TRAPPC9: variants seen among roughly 807,000 people sequenced by gnomAD.
TRAPPC9 encodes trafficking protein particle complex subunit 9, also known as IKK2 binding protein.
Under a neutral mutation model 124.0 loss-of-function variants are expected in TRAPPC9, and 83 were observed. The observed-to-expected ratio is 0.67, with a 90% CI of 0.56 to 0.80. The LOEUF (loss-of-function observed/expected upper bound fraction) is 0.80. Among genes scored for constraint, TRAPPC9 ranks in the 30% least tolerant of loss-of-function variants. The pLI is 0.00. For missense variants in TRAPPC9, 1,302 were observed against 1,508.3 expected, an observed-to-expected ratio of 0.86 and a Z score of 2.27; for synonymous variants, 638 against 617.5, an observed-to-expected ratio of 1.03 and a Z score of -0.49.
intron 17 of TRAPPC9, among the ~76,000 whole-genome samples, chr8:140,041,350 C>G (rs1274156032): frequency 6.6e-6 from 1 of 152,240 alleles, no homozygotes; most frequent in Non-Finnish European, 1.5e-5. Flanking sequence ...GGTGTTCAAA[C>G]AGCGTACACC....
chr8:139,842,883 C>T (rs1334053732), intron 21 of TRAPPC9, among the ~76,000 whole-genome samples: 1 of 152,204 alleles, frequency 6.6e-6, no homozygotes, highest in Non-Finnish European at 1.5e-5. Context: ...TTCATGTCAC[C>T]CCTCTAATCT....
intron 19 of TRAPPC9, among the ~76,000 whole-genome samples, chr8:139,952,554 CA>C (rs1363582084): frequency 5.3e-5 from 8 of 152,176 alleles, no homozygotes; most frequent in Non-Finnish European, 1.0e-4. Context: ...GAGCAGTGAA[CA>C]AAGGCCTGGG....
Position 140,252,939 on chromosome 8 carries a change from TA to T in TRAPPC9, c.2279-11del, listed in dbSNP as rs758850777. 3.3e-4 allele frequency: 532 copies of T among 1,613,472 alleles called. No homozygotes were observed. The highest frequency in any genetic ancestry group is 4.3e-4 in the Non-Finnish European group (505 of 1,179,950). On this transcript the variant is annotated splice_polypyrimidine_tract_variant and intron_variant, in intron 15 of 22. Coordinates refer to ENST00000438773, the MANE Select transcript of TRAPPC9 (RefSeq NM_001160372.4). The surrounding 1 kb of genome is among the most constrained non-coding windows in gnomAD (Gnocchi z 4.2). ...TCGCCATACAATTTTTCTGTAATAA[TA>T]ACAATGACAGTGATGAGGATGCTGT...
intron 17 of TRAPPC9, among the ~76,000 whole-genome samples, chr8:140,138,346 TG>T (rs1222623965): frequency 6.6e-6 from 1 of 152,124 alleles, no homozygotes; most frequent in Non-Finnish European, 1.5e-5. Flanking sequence ...CAACTAATCC[TG>T]GAGTGTACTA....
chr8:140,232,858 T>C (rs2063632873), intron 16 of TRAPPC9, among the ~76,000 whole-genome samples: 1 of 152,236 alleles, frequency 6.6e-6, no homozygotes, highest in African/African-American at 2.4e-5. Context: ...AGTTTGAGAT[T>C]AAAGTAGAAG....
At chr8:139,761,704 C>A (rs1307660724) in intron 21 of TRAPPC9, among the ~76,000 whole-genome samples, 2 of 152,048 alleles carry the variant, frequency 1.3e-5, no homozygotes, top group South Asian at 4.1e-4. Flanking sequence ...CTGGGTCACC[C>A]CCCTCAGGGA....
intron 17 of TRAPPC9, among the ~76,000 whole-genome samples, chr8:140,132,360 C>T (rs1163409418): frequency 2.0e-5 from 3 of 152,338 alleles, no homozygotes; most frequent in East Asian, 1.9e-4. Flanking sequence ...TTGACACCCA[C>T]GGGTCTTTTT....
In TRAPPC9 at chr8:139,947,924, C is replaced by CGAGAGCGA. The variant is rs1554419368; in HGVS notation, c.2811-37625_2811-37624insTCGCTCTC. On this transcript the variant is annotated intron_variant, in intron 19 of 22. Transcript: ENST00000438773. ...TATATATATAGAGAGAGAGAGAGAG[C>CGAGAGCGA]GAGAGAGAGAGAGAGAGAGAGTATA... is the stretch of plus-strand genomic sequence containing the variant. Among the ~76,000 whole-genome samples, 7 of 83,488 alleles carry CGAGAGCGA rather than the reference C, an allele frequency of 8.4e-5. No homozygotes were observed. In the South Asian group the frequency reaches 2.1e-3, roughly 25 times the overall value. The allele number at this position is 83,488 out of a possible 152,430, so 54.8% of individuals were successfully genotyped here. A position where few individuals can be genotyped will look rare whatever the true frequency, so the allele number is the denominator to read the frequency against.
At chr8:140,021,349 T>C (rs1839827417) in intron 18 of TRAPPC9, among the ~76,000 whole-genome samples, 1 of 152,238 alleles carries the variant, frequency 6.6e-6, no homozygotes, top group African/African-American at 2.4e-5. Flanking sequence ...ACAATTTGCA[T>C]ATAACACAAG....
At chr8:140,354,951 T>C (rs2067693845) in intron 9 of TRAPPC9, among the ~76,000 whole-genome samples, 1 of 152,208 alleles carries the variant, frequency 6.6e-6, no homozygotes, top group Non-Finnish European at 1.5e-5. Flanking sequence ...ACGACTCCAA[T>C]TAACCAAATA....
Position 139,766,122 on chromosome 8 carries a change from T to C in TRAPPC9, c.3056-33920A>G, listed in dbSNP as rs1820568585. Among the ~76,000 whole-genome samples, 4 of 152,176 alleles carry C rather than the reference T, an allele frequency of 2.6e-5. 1 individual carries two copies. The South Asian group carries it at 8.3e-4, about 32-fold the overall frequency. On this transcript the variant is annotated intron_variant, in intron 21 of 22. Transcript: ENST00000438773. ...CCAAGGCCTCAGGGAACCTGTCAAA[T>C]CCCCTTGGCCCCAAACACTAGGGCG...
chr8:139,810,344 A>G (rs1354224589), intron 21 of TRAPPC9, among the ~76,000 whole-genome samples: 1 of 152,150 alleles, frequency 6.6e-6, no homozygotes, highest in East Asian at 1.9e-4. Context: ...GGGATGAGCA[A>G]TGGGTGCAGA....
intron 18 of TRAPPC9, among the ~76,000 whole-genome samples, chr8:140,022,232 G>A (rs777127012): frequency 6.6e-5 from 10 of 152,208 alleles, no homozygotes; most frequent in Non-Finnish European, 1.0e-4. Context: ...GGATTGCAGA[G>A]TCATTGGGAG....
intron 20 of TRAPPC9, among the ~76,000 whole-genome samples, chr8:139,906,242 T>C (rs561752190): frequency 6.4e-4 from 97 of 152,310 alleles, no homozygotes; most frequent in African/African-American, 2.2e-3. Context: ...CAACAACAGG[T>C]CACCCTGTCC....
chr8:139,746,060 C>T (rs1818861007), intron 21 of TRAPPC9, among the ~76,000 whole-genome samples: 1 of 152,238 alleles, frequency 6.6e-6, no homozygotes, highest in South Asian at 2.1e-4. Context: ...CACTCCACGG[C>T]TCTGTGATCA....
rs6988890 is a variant in TRAPPC9, at chr8:139,888,656, T to A, written c.2965-2687A>T. Among the ~76,000 whole-genome samples, 1,123 of 152,364 alleles carry A rather than the reference T, an allele frequency of 7.4e-3. 19 individuals are homozygous for A. The highest frequency in any genetic ancestry group is 0.026 in the African/African-American group (1,073 of 41,576). ...TTTATCAAAGTGTTTCCTGCAAAGATAATTCCCTCCCTTAGAAGAATTCTC... is the reference window on the plus strand; with the variant it reads ...TTTATCAAAGTGTTTCCTGCAAAGAAAATTCCCTCCCTTAGAAGAATTCTC... On this transcript the variant is annotated intron_variant, in intron 20 of 22. Coordinates refer to ENST00000438773, the MANE Select transcript of TRAPPC9 (RefSeq NM_001160372.4).
intron 9 of TRAPPC9, among the ~76,000 whole-genome samples, chr8:140,359,224 T>C (rs981920965): frequency 2.0e-5 from 3 of 151,982 alleles, no homozygotes; most frequent in African/African-American, 7.3e-5. Context: ...ACGGGGCTGA[T>C]CCCATGAGTA....
At chr8:139,743,877 C>T (rs986467825) in intron 21 of TRAPPC9, among the ~76,000 whole-genome samples, 7 of 152,198 alleles carry the variant, frequency 4.6e-5, no homozygotes, top group Non-Finnish European at 8.8e-5. Context: ...AGCATGTTTT[C>T]CCTCTTTATT....
chr8:140,195,068 C>T (rs2062607607), intron 17 of TRAPPC9, among the ~76,000 whole-genome samples: 2 of 151,990 alleles, frequency 1.3e-5, no homozygotes, highest in African/African-American at 2.4e-5. Context: ...GCCTGTGACA[C>T]TAAAACACAC....
Sources: gnomAD v4.1 joint callset for allele counts (sites outside exome capture counted in the v4.1 genomes callset) on GRCh38, gnomAD v4.1.1 for gene constraint, Gnocchi (gnomAD v3.1) non-coding constraint, MANE v1.5 for transcripts, NCBI Gene and HGNC (gene_info 2026-07-23, HGNC 2026-07-21) for gene names.